FAM234B: variants seen among roughly 807,000 people sequenced by gnomAD.
The protein encoded by FAM234B is family with sequence similarity 234 member B.
In FAM234B, 33 loss-of-function variants were observed where a neutral mutation model predicts 69.3. The ratio of observed to expected loss-of-function variants is 0.48; its 90% confidence interval spans 0.36 to 0.64. FAM234B has a LOEUF of 0.64. FAM234B is among the 30% of genes least tolerant of loss of function. FAM234B has a pLI of 0.00. For synonymous variants in FAM234B, 306 were observed against 306.9 expected, an observed-to-expected ratio of 1.00 and a Z score of 0.03; for missense variants, 697 against 769.7, an observed-to-expected ratio of 0.91 and a Z score of 1.12.
rs888508423 is a variant in FAM234B at position 13,050,871 on chromosome 12, T to C, written c.38-4680T>C. On this transcript the variant is annotated intron_variant, in intron 1 of 12. Transcript: ENST00000197268. ...CATCGTCATCATCTTATTGTTGTCA[T>C]GATTATTAATTCTGTGAACTCTGCT... is the stretch of plus-strand genomic sequence containing the variant. Among the ~76,000 whole-genome samples the C allele has an allele frequency of 5.3e-5, 8 of 152,308 alleles. No homozygotes were observed. In the East Asian group the frequency reaches 1.5e-3, roughly 29 times the overall value.
intron 10 of FAM234B, 34 bp downstream of exon 10, chr12:13,071,430 T>C (rs1453250503): frequency 6.3e-7 from 1 of 1,597,616 alleles, no homozygotes; most frequent in African/African-American, 1.3e-5. Flanking sequence ...TTTTTTACTT[T>C]GTCAGATGGC....
At chr12:13,049,588 TTA>T (rs1051186904) in intron 1 of FAM234B, among the ~76,000 whole-genome samples, 4 of 152,244 alleles carry the variant, frequency 2.6e-5, no homozygotes, top group Non-Finnish European at 5.9e-5. Flanking sequence ...TCTATTCTTT[TTA>T]TGTCTCTGAC....
In FAM234B at chr12:13,066,913, G is replaced by A. The variant is rs1865045681; in HGVS notation, c.1000+126G>A. 1.6e-5 allele frequency: 18 copies of A among 1,109,254 alleles called. No individual in the cohort carries two copies. In the South Asian group the frequency reaches 2.3e-4, roughly 14 times the overall value. 68.7% of individuals were successfully genotyped at this position (1,109,254 alleles called of 1,614,324 possible). On this transcript the variant is annotated intron_variant, in intron 6 of 12. Coordinates refer to ENST00000197268, the MANE Select transcript of FAM234B (RefSeq NM_020853.2). ...CCTTCCCATAGCCTTCTAATGCAGG[G>A]GCCTCTTACTGTCCCCCACCGATCA...
chr12:13,064,313 T>A (rs1034512729), intron 5 of FAM234B, among the ~76,000 whole-genome samples: 3 of 152,234 alleles, frequency 2.0e-5, no homozygotes, highest in Non-Finnish European at 4.4e-5. Context: ...ATAGAGAGAT[T>A]GGGGACTAGG....
intron 10 of FAM234B, among the ~76,000 whole-genome samples, chr12:13,073,872 G>A (rs186972862): frequency 1.3e-5 from 2 of 152,280 alleles, no homozygotes; most frequent in East Asian, 3.9e-4. Context: ...CTGCCATTGT[G>A]GGTTTAATCT....
chr12:13,052,356 G>T (rs1049027829), intron 1 of FAM234B, among the ~76,000 whole-genome samples: 10 of 152,026 alleles, frequency 6.6e-5, no homozygotes, highest in African/African-American at 2.4e-4. Context: ...TGATCTTTAA[G>T]GTCTCTTGCT....
In FAM234B at chr12:13,081,052, A is replaced by G. The variant is rs1865221257; in HGVS notation, c.*422A>G. The G allele has an allele frequency of 6.3e-6, 1 of 159,754 alleles. No homozygotes were observed. Among genetic ancestry groups the G allele is most frequent in the Non-Finnish European group, 1.4e-5 (1 of 72,926 alleles). The allele number at this position is 159,754 out of a possible 1,614,324, so 9.9% of individuals were successfully genotyped here. A position where few individuals can be genotyped will look rare whatever the true frequency, so the allele number is the denominator to read the frequency against. On this transcript the variant is annotated 3_prime_UTR_variant, in exon 13 of 13. Transcript: ENST00000197268. Reference sequence around the variant, plus strand: ...ATTTTCCAGGTATGTCCTAAGCTTCAGGGATCCAGTTTCTTGTCCTTCTGA... The same window carrying G: ...ATTTTCCAGGTATGTCCTAAGCTTCGGGGATCCAGTTTCTTGTCCTTCTGA...
rs1489691462 is a variant in FAM234B, at chr12:13,055,554, A to C, written c.41A>C (p.Lys14Thr). The change falls in exon 2 of 13, where the codon AAG becomes ACG. Residue 14 changes from lysine to threonine, a missense_variant. Coordinates refer to ENST00000197268, the MANE Select transcript of FAM234B (RefSeq NM_020853.2). ...VLSRALKLPG[K>T]KSPDLGEYDP... ...CTCTGTTTTTCTGTATTTTCAGGGA[A>C]GAAGAGCCCAGACCTAGGGGAGTAT... The C allele has an allele frequency of 1.1e-5, 17 of 1,582,438 alleles. No individual in the cohort carries two copies. Among genetic ancestry groups the C allele is most frequent in the Non-Finnish European group, 1.4e-5 (16 of 1,157,468 alleles).
chr12:13,058,342 C>G (rs1864952710), intron 2 of FAM234B, 109 bp from the exon 3 acceptor site: 5 of 821,910 alleles, frequency 6.1e-6, no homozygotes, highest in Non-Finnish European at 1.1e-5. Flanking sequence ...GTCTACTATA[C>G]CTAGTCGAGG....
intron 11 of FAM234B, among the ~76,000 whole-genome samples, chr12:13,078,709 A>G (rs1199765696): frequency 1.6e-4 from 25 of 152,222 alleles, no homozygotes; most frequent in Non-Finnish European, 4.4e-5. Context: ...TACAAAATCA[A>G]TGTACAAAAA....
intron 9 of FAM234B, among the ~76,000 whole-genome samples, chr12:13,069,925 A>G (rs1183787721): frequency 6.6e-6 from 1 of 152,102 alleles, no homozygotes; most frequent in African/African-American, 2.4e-5. Flanking sequence ...GGAATTTCTG[A>G]TACACTGGTG....
rs113914496 is a variant in FAM234B, at chr12:13,046,547, G to A, written c.37+2107G>A. On this transcript the variant is annotated intron_variant, in intron 1 of 12. Transcript: ENST00000197268. ...GTGATCTCGGCTCACCGCAACCTCCGCCTCCTGGGTTCAAGCAATTCTCCT... is the reference window on the plus strand; with the variant it reads ...GTGATCTCGGCTCACCGCAACCTCCACCTCCTGGGTTCAAGCAATTCTCCT... Among the ~76,000 whole-genome samples, 579 of 150,404 alleles carry A rather than the reference G, an allele frequency of 3.8e-3. 4 individuals are homozygous for A. Among genetic ancestry groups the A allele is most frequent in the African/African-American group, 0.014 (559 of 40,832 alleles).
chr12:13,058,380 G>A (rs1177120616), intron 2 of FAM234B, 71 bp from the exon 3 acceptor site: 1 of 1,203,262 alleles, frequency 8.3e-7, no homozygotes, highest in Non-Finnish European at 1.2e-6. Flanking sequence ...TGTTTATAGA[G>A]CTACTGGCAA....
chr12:13,067,479 A>G lies in FAM234B; in HGVS notation c.1142+183A>G, dbSNP rs544493343. ...TTAGAAATTTTCTTCTCTTGGTAAC[A>G]TAATGCGTTGATATCTATGTGTTGG... On this transcript the variant is annotated intron_variant, in intron 7 of 12. Transcript: ENST00000197268. This position sits in a 1 kb window ranked among gnomAD's most constrained non-coding sequence, Gnocchi z 4.7. Among the ~76,000 whole-genome samples, 1 of 152,366 alleles carries G rather than the reference A, an allele frequency of 6.6e-6. No individual in the cohort carries two copies. The highest frequency in any genetic ancestry group is 1.9e-4 in the East Asian group (1 of 5,184).
At chr12:13,075,105 CTGCTGTAGAGAGTT>C (rs1252213963) in intron 10 of FAM234B, among the ~76,000 whole-genome samples, 3 of 152,194 alleles carry the variant, frequency 2.0e-5, no homozygotes, top group Admixed American at 6.5e-5. Flanking sequence ...TGCATTTCTT[CTGCTGTAGAGAGTT>C]TGAAGACTGA....
intron 3 of FAM234B, among the ~76,000 whole-genome samples, chr12:13,060,249 C>T (rs1284585676): frequency 6.6e-6 from 1 of 152,164 alleles, no homozygotes; most frequent in African/African-American, 2.4e-5. Context: ...TGCCCATAAC[C>T]CACAAAGCTT....
rs570681167 is a variant in FAM234B, at chr12:13,067,896, A to T, written c.1143-408A>T. The stretch of plus-strand genomic sequence containing the variant: ...GACAGGTATGAAGTAGAATGGTCCC[A>T]GTGGCACTGAGCAAGAACTAATTCA... On this transcript the variant is annotated intron_variant, in intron 7 of 12. Transcript: ENST00000197268. This position sits in a 1 kb window ranked among gnomAD's most constrained non-coding sequence, Gnocchi z 4.7. 6.6e-6 allele frequency among the ~76,000 whole-genome samples: 1 copy of T among 152,228 alleles called. No homozygotes were observed. The highest frequency in any genetic ancestry group is 2.1e-4 in the South Asian group (1 of 4,830).
At chr12:13,074,780 T>C (rs1865142986) in intron 10 of FAM234B, among the ~76,000 whole-genome samples, 1 of 152,154 alleles carries the variant, frequency 6.6e-6, no homozygotes, top group African/African-American at 2.4e-5. Flanking sequence ...TCTTCTGCTT[T>C]GTGGGGATGT....
intron 1 of FAM234B, among the ~76,000 whole-genome samples, chr12:13,045,809 T>G (rs1382697551): frequency 6.6e-6 from 1 of 151,638 alleles, no homozygotes; most frequent in African/African-American, 2.4e-5. Context: ...GGTAATAAGA[T>G]GTCAGACATT....
Sources: gnomAD v4.1 joint callset for allele counts (sites outside exome capture counted in the v4.1 genomes callset) on GRCh38, gnomAD v4.1.1 for gene constraint, Gnocchi (gnomAD v3.1) non-coding constraint, MANE v1.5 for transcripts, NCBI Gene and HGNC (gene_info 2026-07-23, HGNC 2026-07-21) for gene names.